Variants in GPT2 observed in about 807,000 individuals in gnomAD.
GPT2 encodes alanine aminotransferase 2.
GPT2 carries 30 observed loss-of-function variants against 56.9 expected under a neutral mutation model. The observed-to-expected ratio is 0.53, with a 90% CI of 0.39 to 0.72. The LOEUF is 0.72. Ranked by LOEUF, GPT2 falls within the 30% of genes least tolerant of loss-of-function variation. GPT2 has a pLI of 0.00. For synonymous variants in GPT2, 271 were observed against 283.1 expected (o/e 0.96, Z 0.43); for missense variants, 542 against 703.4 (o/e 0.77, Z 2.60).
chr16:46,911,230 G>C (rs542751659), intron 6 of GPT2, among the ~76,000 whole-genome samples: 3 of 152,290 alleles, frequency 2.0e-5, no homozygotes, highest in African/African-American at 7.2e-5. Context: ...CTGCAGTCCT[G>C]CCTGTTTTGA....
chr16:46,919,094 A>G (rs1025157771), intron 8 of GPT2, among the ~76,000 whole-genome samples: 2 of 152,226 alleles, frequency 1.3e-5, no homozygotes, highest in Non-Finnish European at 2.9e-5. Flanking sequence ...GCAGACAAAC[A>G]GATGCTGTTA....
At chr16:46,902,180 G>C (rs1960832587) in intron 4 of GPT2, among the ~76,000 whole-genome samples, 1 of 152,208 alleles carries the variant, frequency 6.6e-6, no homozygotes, top group Non-Finnish European at 1.5e-5. Flanking sequence ...TGGGGTAGTG[G>C]GGCTGAGAGA....
At chr16:46,897,865 C>T in intron 3 of GPT2, 128 bp downstream of exon 3, 1 of 728,600 alleles carries the variant, frequency 1.4e-6, no homozygotes, top group Non-Finnish European at 2.3e-6. Flanking sequence ...GGCTGTCTCC[C>T]TTAGCCTCCT....
chr16:46,901,944 G>A (rs796319992), intron 4 of GPT2, among the ~76,000 whole-genome samples: 3 of 152,246 alleles, frequency 2.0e-5, no homozygotes, highest in South Asian at 2.1e-4. Flanking sequence ...CGGCTTCCGG[G>A]CTCCTTTCCC....
At chr16:46,894,894 T>C (rs959242578) in intron 2 of GPT2, among the ~76,000 whole-genome samples, 13 of 152,114 alleles carry the variant, frequency 8.5e-5, no homozygotes, top group African/African-American at 3.1e-4. Context: ...CTCGATCTGC[T>C]GACCTCGTGA....
At chr16:46,924,238 GAGTC>G in intron 9 of GPT2, 147 bp from the exon 10 acceptor site, 1 of 828,050 alleles carries the variant, frequency 1.2e-6, no homozygotes. Flanking sequence ...GAGCAAATCT[GAGTC>G]AACGCATGGG....
intron 2 of GPT2, among the ~76,000 whole-genome samples, chr16:46,891,086 G>A (rs1049182184): frequency 1.3e-4 from 20 of 151,926 alleles, no homozygotes; most frequent in Non-Finnish European, 1.5e-4. Flanking sequence ...TTAGTCAGGC[G>A]GGTCTCGACC....
intron 6 of GPT2, 77 bp from the exon 7 acceptor site, chr16:46,916,551 T>G (rs918999669): frequency 1.0e-5 from 11 of 1,095,100 alleles, no homozygotes; most frequent in Non-Finnish European, 1.6e-5. Context: ...ACTGAGTGAT[T>G]CTGGATGGGC....
At position 46,922,406 on chromosome 16, in the gene GPT2, A is replaced by C; in HGVS notation, c.1202A>C (p.Gln401Pro). Residue 401 changes from glutamine (Q) to proline (P), a missense_variant, in exon 9 of 12, where the codon CAA becomes CCA. Gln to Pro is a moderately conservative substitution (Grantham distance 76). Transcript: ENST00000340124. Reference sequence around the variant, plus strand: ...GTGGCAGGAGAGGAGTCCTTTGAGCAATTCAGCCGAGTGAGTCCACTGTGA... The same window carrying C: ...GTGGCAGGAGAGGAGTCCTTTGAGCCATTCAGCCGAGTGAGTCCACTGTGA... ...PPVAGEESFE[Q>P]FSREKESVLG... 3 of 1,609,980 alleles carry C rather than the reference A, an allele frequency of 1.9e-6. No homozygotes were observed. Among genetic ancestry groups the C allele is most frequent in the Non-Finnish European group, 2.5e-6 (3 of 1,178,240 alleles).
intron 6 of GPT2, 90 bp downstream of exon 6, chr16:46,910,017 GTC>G: frequency 6.9e-7 from 1 of 1,450,704 alleles, no homozygotes; most frequent in Non-Finnish European, 9.3e-7. Context: ...TAATTGGAGG[GTC>G]TCTCTGCCCC....
At chr16:46,897,083 A>G (rs984776005) in intron 2 of GPT2, among the ~76,000 whole-genome samples, 1 of 152,160 alleles carries the variant, frequency 6.6e-6, no homozygotes, top group African/African-American at 2.4e-5. Context: ...AACAATAAGT[A>G]ATAAATAAAA....
Position 46,928,935 on chromosome 16 carries a change from C to A in GPT2, c.1510C>A (p.Leu504Met), listed in dbSNP as rs1481056185. 6.2e-7 allele frequency: 1 copy of A among 1,614,110 alleles called. No individual in the cohort carries two copies. Among genetic ancestry groups the A allele is most frequent in the Non-Finnish European group, 8.5e-7 (1 of 1,179,962 alleles). ...RMTILPPVEKLKTVLQKVKDF... is the reference protein window; with the variant it reads ...RMTILPPVEKMKTVLQKVKDF... ...GACTATCCTCCCTCCAGTGGAGAAG[C>A]TGAAAACGGTGCTGCAGAAGGTGAA... The change falls in exon 12 of 12, where the codon CTG (leucine) becomes ATG (methionine). Residue 504 changes from leucine (L) to methionine (M), a missense_variant. Leu to Met is a conservative substitution (Grantham distance 15, BLOSUM62 2). Transcript: ENST00000340124.
In GPT2 at chr16:46,897,280, C is replaced by T. The variant is rs12598379; in HGVS notation, c.244-368C>T. ...CCCAGCTACTCGGGAGGCTGAGGCA[C>T]GAGAATTGCTTGAACCCAGGAGGTA... On this transcript the variant is annotated intron_variant, in intron 2 of 11. Coordinates refer to ENST00000340124, the MANE Select transcript of GPT2 (RefSeq NM_133443.4). 8.9e-3 allele frequency among the ~76,000 whole-genome samples: 1,354 copies of T among 151,978 alleles called. 32 individuals are homozygous for T. In the East Asian group the frequency reaches 0.11, roughly 13 times the overall value.
At chr16:46,887,266 G>A (rs979289769) in intron 2 of GPT2, among the ~76,000 whole-genome samples, 6 of 152,242 alleles carry the variant, frequency 3.9e-5, no homozygotes, top group East Asian at 3.9e-4. Context: ...GCAGGAGTTC[G>A]AGACCAGCCT....
In GPT2 at chr16:46,930,546, A is replaced by G. The variant is rs2143598486; in HGVS notation, c.*1549A>G. 1 of 152,402 alleles carries G rather than the reference A, an allele frequency of 6.6e-6. No individual in the cohort carries two copies. Among genetic ancestry groups the G allele is most frequent in the South Asian group, 2.1e-4 (1 of 4,834 alleles). The allele number at this position is 152,402 out of a possible 1,614,324, so 9.4% of individuals were successfully genotyped here. On this transcript the variant is annotated 3_prime_UTR_variant, in exon 12 of 12. Transcript: ENST00000340124. ...ATGAAGAAAGTAGCCACAATCTCAA[A>G]TAACAAAAGGGAATGTTCTAAAACT...
At position 46,929,078 on chromosome 16, in the gene GPT2, C is replaced by T. The variant is rs1156597397; in HGVS notation, c.*81C>T. ...CAGGCTGAACTCGCCTCCCCCGTGACTCTGCCTCGGGCCTCGCAGAGGCCG... is the reference window on the plus strand; with the variant it reads ...CAGGCTGAACTCGCCTCCCCCGTGATTCTGCCTCGGGCCTCGCAGAGGCCG... On this transcript the variant is annotated 3_prime_UTR_variant, in exon 12 of 12. Coordinates refer to ENST00000340124, the MANE Select transcript of GPT2 (RefSeq NM_133443.4). The T allele has an allele frequency of 8.8e-7, 1 of 1,136,960 alleles. No homozygotes were observed. The highest frequency in any genetic ancestry group is 1.5e-5 in the African/African-American group (1 of 65,702). 70.4% of individuals were successfully genotyped at this position (1,136,960 alleles called of 1,614,324 possible).
intron 2 of GPT2, among the ~76,000 whole-genome samples, chr16:46,894,897 C>G (rs187753394): frequency 1.1e-4 from 16 of 152,196 alleles, no homozygotes; most frequent in Admixed American, 5.9e-4. Flanking sequence ...GATCTGCTGA[C>G]CTCGTGATCC....
chr16:46,887,403 G>A (rs1049953691), intron 2 of GPT2, among the ~76,000 whole-genome samples: 9 of 152,172 alleles, frequency 5.9e-5, no homozygotes, highest in African/African-American at 2.2e-4. Flanking sequence ...GGAAGGTGGA[G>A]GTGGCAGTGA....
At position 46,917,544 on chromosome 16, in the gene GPT2, AAG is replaced by A. The variant is rs537068670; in HGVS notation, c.900+839_900+840del. Among the ~76,000 whole-genome samples the A allele has an allele frequency of 1.3e-3, 195 of 152,288 alleles. 1 individual carries two copies. The highest frequency in any genetic ancestry group is 4.5e-3 in the African/African-American group (188 of 41,558). On this transcript the variant is annotated intron_variant, in intron 7 of 11. Coordinates refer to ENST00000340124, the MANE Select transcript of GPT2 (RefSeq NM_133443.4). ...CTCATTCTTTTTCTGTTTTGTAAGA[AAG>A]AAACTGAGGTTCCAGCAAATCCTCT... is the stretch of plus-strand genomic sequence containing the variant.
Sources: allele counts gnomAD v4.1 joint callset (sites outside exome capture counted in the v4.1 genomes callset), GRCh38; gene constraint gnomAD v4.1.1; transcripts MANE v1.5; gene names NCBI Gene and HGNC (gene_info 2026-07-23, HGNC 2026-07-21).